The following ME1 variants were observed in gnomAD, a reference collection of about 807,000 sequenced individuals.
ME1 encodes malic enzyme 1, also known as NADP-dependent malic enzyme.
ME1 carries 74 observed loss-of-function variants against 66.4 expected under a neutral mutation model. The ratio of observed to expected loss-of-function variants is 1.11; its 90% CI spans 0.92 to 1.35. ME1 has a LOEUF of 1.35. ME1 is among the 40% of genes most tolerant of loss of function. ME1 has a pLI of 0.00. For missense variants in ME1, 750 were observed against 694.1 expected (o/e 1.08, Z -0.90); for synonymous variants, 251 against 235.6 (o/e 1.07, Z -0.60).
chr6:83,295,907 A>G (rs1767588478), intron 6 of ME1, among the ~76,000 whole-genome samples: 1 of 152,196 alleles, frequency 6.6e-6, no homozygotes, highest in Admixed American at 6.5e-5. Context: ...TACCCAAACT[A>G]GAAAACTTTG....
chr6:83,364,964 T>C (rs1769074918), intron 3 of ME1, among the ~76,000 whole-genome samples: 1 of 152,140 alleles, frequency 6.6e-6, no homozygotes, highest in Admixed American at 6.6e-5. Context: ...CTGAAGTAAG[T>C]AGCTCTCCTA....
intron 5 of ME1, among the ~76,000 whole-genome samples, chr6:83,331,251 A>T (rs540051277): frequency 2.6e-5 from 4 of 152,244 alleles, no homozygotes; most frequent in Admixed American, 6.5e-5. Flanking sequence ...AAGTTGAATG[A>T]GGTCATTAGA....
intron 1 of ME1, among the ~76,000 whole-genome samples, chr6:83,429,441 A>G (rs889594593): frequency 6.6e-6 from 1 of 152,204 alleles, no homozygotes; most frequent in African/African-American, 2.4e-5. Flanking sequence ...TCAACCCACA[A>G]CTTGGTCATA....
intron 9 of ME1, 41 bp from the exon 10 acceptor site, chr6:83,228,972 C>A (rs1583328916): frequency 7.5e-7 from 1 of 1,328,200 alleles, no homozygotes; most frequent in East Asian, 2.3e-5. Flanking sequence ...ATCTGCCAAA[C>A]ATGTGAGGGT....
At chr6:83,222,053 A>C (rs1790101391) in intron 12 of ME1, among the ~76,000 whole-genome samples, 1 of 152,082 alleles carries the variant, frequency 6.6e-6, no homozygotes, top group Non-Finnish European at 1.5e-5. Flanking sequence ...TAAACTGAAA[A>C]TATTTTTCAC....
intron 3 of ME1, among the ~76,000 whole-genome samples, chr6:83,376,242 A>T (rs1769286151): frequency 6.6e-6 from 1 of 152,338 alleles, no homozygotes. Context: ...ACGATGGCTC[A>T]TGCCAACACT....
chr6:83,286,478 A>G (rs984808005), intron 6 of ME1, among the ~76,000 whole-genome samples: 3 of 152,168 alleles, frequency 2.0e-5, no homozygotes, highest in African/African-American at 7.2e-5. Context: ...TGAAGATTCA[A>G]ATCCATGATA....
rs746037012 is a variant in ME1 at position 83,349,015 on chromosome 6, A to AAAAAAAAAC, written c.439-2682_439-2681insGTTTTTTTT. 2.7e-3 allele frequency among the ~76,000 whole-genome samples: 333 copies of AAAAAAAAAC among 123,976 alleles called. 37 individuals carry two copies. Among genetic ancestry groups the AAAAAAAAAC allele is most frequent in the African/African-American group, 9.7e-3 (311 of 32,194 alleles). 81.3% of individuals were successfully genotyped at this position (123,976 alleles called of 152,430 possible). A position where few individuals can be genotyped will look rare whatever the true frequency, so the allele number is the denominator to read the frequency against. ...AAAAAAAAAAAACAAAAAACAAAAA[A>AAAAAAAAAC]CAGTGCATTCTTTCTTATTTCTTCA... On this transcript the variant is annotated intron_variant, in intron 4 of 13. Transcript: ENST00000369705.
intron 5 of ME1, among the ~76,000 whole-genome samples, chr6:83,334,006 C>T (rs1291205295): frequency 1.3e-5 from 2 of 151,890 alleles, no homozygotes. Context: ...CAGCTCCCAG[C>T]GTGAGCGACG....
chr6:83,404,955 T>C (rs541764715), intron 2 of ME1, among the ~76,000 whole-genome samples: 1 of 152,362 alleles, frequency 6.6e-6, no homozygotes, highest in South Asian at 2.1e-4. Context: ...CTTCCAGCTT[T>C]GTTCTTTTTG....
At chr6:83,342,528 G>C (rs1056018404) in intron 5 of ME1, among the ~76,000 whole-genome samples, 1 of 152,142 alleles carries the variant, frequency 6.6e-6, no homozygotes, top group African/African-American at 2.4e-5. Flanking sequence ...GCTTTGCTTA[G>C]GCTTTGATAG....
intron 3 of ME1, among the ~76,000 whole-genome samples, chr6:83,363,118 GGGGTGGAAGT>G (rs1769034492): frequency 1.3e-5 from 2 of 152,132 alleles, no homozygotes; most frequent in Admixed American, 1.3e-4. Context: ...CAGGAATCAA[GGGGTGGAAGT>G]GGCACCACTC....
At chr6:83,401,202 G>A (rs1362885955) in intron 2 of ME1, among the ~76,000 whole-genome samples, 2 of 152,162 alleles carry the variant, frequency 1.3e-5, no homozygotes, top group South Asian at 2.1e-4. Context: ...AGGCATGGTG[G>A]AGCATGCCTG....
chr6:83,364,608 C>A (rs936075107), intron 3 of ME1, among the ~76,000 whole-genome samples: 2 of 152,094 alleles, frequency 1.3e-5, no homozygotes, highest in Non-Finnish European at 2.9e-5. Context: ...GCTCACTGAT[C>A]CAGGTGTGTT....
At chr6:83,375,444 G>C (rs1241640321) in intron 3 of ME1, among the ~76,000 whole-genome samples, 1 of 152,104 alleles carries the variant, frequency 6.6e-6, no homozygotes, top group Non-Finnish European at 1.5e-5. Context: ...CATTGATTTG[G>C]TATCCTGAGA....
At chr6:83,358,046 C>T (rs1037798504) in intron 3 of ME1, among the ~76,000 whole-genome samples, 1 of 146,932 alleles carries the variant, frequency 6.8e-6, no homozygotes, top group African/African-American at 2.5e-5. Flanking sequence ...AGAACCCTGA[C>T]TAATACAGAT....
chr6:83,352,174 C>T (rs1768815849), intron 3 of ME1, 35 bp from the exon 4 acceptor site: 3 of 1,315,842 alleles, frequency 2.3e-6, no homozygotes, highest in Non-Finnish European at 3.0e-6. Context: ...GAGTAGTTTA[C>T]ATTTACTTCA....
At chr6:83,428,614 C>T (rs939391199) in intron 1 of ME1, among the ~76,000 whole-genome samples, 4 of 152,064 alleles carry the variant, frequency 2.6e-5, no homozygotes, top group Admixed American at 6.6e-5. Flanking sequence ...GAGCTACTAG[C>T]AAAATTAAAG....
chr6:83,252,601 T>A (rs1355419654), intron 7 of ME1, among the ~76,000 whole-genome samples: 1 of 152,044 alleles, frequency 6.6e-6, no homozygotes, highest in Non-Finnish European at 1.5e-5. Flanking sequence ...AGATTTTAAA[T>A]AAAGACATGG....
Sources: allele counts gnomAD v4.1 joint callset (sites outside exome capture counted in the v4.1 genomes callset), GRCh38; gene constraint gnomAD v4.1.1; transcripts MANE v1.5; gene names NCBI Gene and HGNC (gene_info 2026-07-23, HGNC 2026-07-21).